EPPIN: variants seen among roughly 807,000 people sequenced by gnomAD.
EPPIN encodes the protein WAP four-disulfide core domain protein 7.
A neutral mutation model predicts 18.8 loss-of-function variants in EPPIN; 14 were observed. The observed-to-expected ratio is 0.75, with a 90% confidence interval of 0.49 to 1.17. The LOEUF (loss-of-function observed/expected upper bound fraction) is 1.17. EPPIN is among the 50% of genes most tolerant of loss of function. EPPIN has a pLI of 0.00. For missense variants in EPPIN, 143 were observed against 154.2 expected (o/e 0.93, Z 0.39); for synonymous variants, 57 against 54.8 (o/e 1.04, Z -0.18).
At chr20:45,547,211 C>G (rs1979869487) in intron 1 of EPPIN, 56 bp downstream of exon 1, 10 of 1,611,188 alleles carry the variant, frequency 6.2e-6, no homozygotes, top group Non-Finnish European at 7.6e-6. Flanking sequence ...CTTCCCTGTT[C>G]CTTCCTCCCA....
chr20:45,542,047 G>T lies in EPPIN; in HGVS notation c.*97C>A. The T allele has an allele frequency of 6.6e-7, 1 of 1,512,358 alleles. No individual in the cohort carries two copies. Among genetic ancestry groups the T allele is most frequent in the Non-Finnish European group, 9.0e-7 (1 of 1,105,760 alleles). 93.7% of individuals were successfully genotyped at this position (1,512,358 alleles called of 1,614,324 possible). A position where few individuals can be genotyped will look rare whatever the true frequency, so the allele number is the denominator to read the frequency against. ...GCTAAGATCTTGGAATGCTGAGAGTGAAACTGGAAGCCAGTCTGGAGCATC... is the reference window on the plus strand; with the variant it reads ...GCTAAGATCTTGGAATGCTGAGAGTTAAACTGGAAGCCAGTCTGGAGCATC... On this transcript the variant is annotated 3_prime_UTR_variant, in exon 4 of 4. Transcript: ENST00000354280.
In EPPIN at chr20:45,541,229, A is replaced by T. The variant is rs149637606; in HGVS notation, c.*915T>A. The T allele has an allele frequency of 4.6e-5, 7 of 152,058 alleles. No homozygotes were observed. The highest frequency in any genetic ancestry group is 1.4e-4 in the African/African-American group (6 of 41,392). The allele number at this position is 152,058 out of a possible 1,614,324, so 9.4% of individuals were successfully genotyped here. ...GGAGATGAACAATGAGAACACGTGG[A>T]CTGTTGAGGGGGCAGGGGGAGGGAA... is the stretch of plus-strand genomic sequence containing the variant. On this transcript the variant is annotated 3_prime_UTR_variant, in exon 4 of 4. Coordinates refer to ENST00000354280, the MANE Select transcript of EPPIN (RefSeq NM_020398.4).
At chr20:45,545,151 C>T (rs1979769785) in intron 2 of EPPIN, 1 of 157,214 alleles carries the variant, frequency 6.4e-6, no homozygotes, top group African/African-American at 2.4e-5. Context: ...GGGTGATGGG[C>T]ATGAAACTAA....
chr20:45,545,484 T>C (rs969068711), intron 2 of EPPIN, 155 bp downstream of exon 2: 3 of 1,294,064 alleles, frequency 2.3e-6, no homozygotes, highest in Admixed American at 4.0e-5. Flanking sequence ...CACACCATAT[T>C]TGGCACAGTA....
At chr20:45,545,578 G>A (rs767156713) in intron 2 of EPPIN, 61 bp downstream of exon 2, 15 of 1,609,790 alleles carry the variant, frequency 9.3e-6, no homozygotes, top group African/African-American at 2.7e-5. Flanking sequence ...GCCAGTCCAG[G>A]AAGGCAGAAG....
At chr20:45,545,824 C>T (rs768444278) in intron 1 of EPPIN, 54 bp from the exon 2 acceptor site, 2 of 1,595,436 alleles carry the variant, frequency 1.3e-6, no homozygotes, top group Admixed American at 3.4e-5. Context: ...AGTGTCTCCC[C>T]ACTTTGCCAG....
At chr20:45,545,883 G>A in intron 1 of EPPIN, 113 bp from the exon 2 acceptor site, 2 of 1,506,650 alleles carry the variant, frequency 1.3e-6, no homozygotes, top group Non-Finnish European at 1.8e-6. Flanking sequence ...CAGTTTGCTT[G>A]CCCCCAGGAG....
intron 2 of EPPIN, chr20:45,544,532 G>T (rs1480253558): frequency 6.6e-6 from 1 of 152,210 alleles, no homozygotes; most frequent in Non-Finnish European, 1.5e-5. Context: ...TGGCATATGA[G>T]TGACTTAGCC....
intron 2 of EPPIN, chr20:45,543,856 C>T (rs184882621): frequency 1.8e-4 from 27 of 152,816 alleles, no homozygotes; most frequent in Admixed American, 1.6e-3. Flanking sequence ...CAGTACTCAA[C>T]ACACCGTGCT....
intron 2 of EPPIN, chr20:45,543,876 C>A (rs1422644983): frequency 1.3e-5 from 2 of 152,592 alleles, no homozygotes; most frequent in African/African-American, 2.4e-5. Context: ...TACCTCTATA[C>A]CTCCATCCCT....
At chr20:45,545,595 A>G in intron 2 of EPPIN, 44 bp downstream of exon 2, 1 of 1,612,980 alleles carries the variant, frequency 6.2e-7, no homozygotes, top group Middle Eastern at 1.7e-4. Context: ...GAAGGTGAGG[A>G]CAGGGGGAGG....
At position 45,543,817 on chromosome 20, in the gene EPPIN, G is replaced by A. The variant is rs113029215; in HGVS notation, c.224-950C>T. The A allele has an allele frequency of 8.9e-3, 1,363 of 153,018 alleles. 26 individuals carry two copies. Among genetic ancestry groups the A allele is most frequent in the African/African-American group, 0.031 (1,296 of 41,532 alleles). The allele number at this position is 153,018 out of a possible 1,614,324, so 9.5% of individuals were successfully genotyped here. On this transcript the variant is annotated intron_variant, in intron 2 of 3. Coordinates refer to ENST00000354280, the MANE Select transcript of EPPIN (RefSeq NM_020398.4). ...TGTGACGCTGGCCTCCTCTCCTGCC[G>A]CAGAACCCCTTTGAGCCACATGCTC...
At chr20:45,546,097 G>A in intron 1 of EPPIN, 1 of 413,114 alleles carries the variant, frequency 2.4e-6, no homozygotes, top group South Asian at 9.0e-5. Flanking sequence ...AGCATCCCAG[G>A]CCTCTTCCCA....
At chr20:45,545,966 C>G in intron 1 of EPPIN, 196 bp from the exon 2 acceptor site, 1 of 717,202 alleles carries the variant, frequency 1.4e-6, no homozygotes, top group South Asian at 2.1e-5. Context: ...GACCTCTCCT[C>G]CCTCTATTCC....
chr20:45,545,259 TA>T, intron 2 of EPPIN: 2 of 219,762 alleles, frequency 9.1e-6, no homozygotes, highest in South Asian at 9.1e-5. Context: ...GGTCACTCCA[TA>T]GCAAAAAAGT....
At chr20:45,544,025 GT>G (rs1979718917) in intron 2 of EPPIN, 1 of 152,094 alleles carries the variant, frequency 6.6e-6, no homozygotes, top group African/African-American at 2.4e-5. Flanking sequence ...TTTTTCATTT[GT>G]TTATATCTTC....
rs780430316 is a variant in EPPIN at position 45,542,694 on chromosome 20, A to G, written c.391+6T>C. ...AGGATGAAAGACCGGGGCCCCTAGG[A>G]CTTACGTTTATTCTTGCAGGTGTTC... On this transcript the variant is annotated splice_donor_region_variant and intron_variant, in intron 3 of 3. Transcript: ENST00000354280. The G allele has an allele frequency of 8.7e-6, 14 of 1,613,088 alleles. No individual in the cohort carries two copies. In the African/African-American group the frequency reaches 1.9e-4, roughly 22 times the overall value.
intron 3 of EPPIN, 110 bp from the exon 4 acceptor site, chr20:45,542,264 G>A: frequency 6.9e-7 from 1 of 1,447,616 alleles, no homozygotes; most frequent in South Asian, 1.3e-5. Flanking sequence ...AAAAGTAGTG[G>A]GTTTGCTTTG....
At position 45,541,238 on chromosome 20, in the gene EPPIN, G is replaced by C. The variant is rs1371489540; in HGVS notation, c.*906C>G. Reference sequence around the variant, plus strand: ...CAATGAGAACACGTGGACTGTTGAGGGGGCAGGGGGAGGGAAAGCATCAGG... The same window carrying C: ...CAATGAGAACACGTGGACTGTTGAGCGGGCAGGGGGAGGGAAAGCATCAGG... On this transcript the variant is annotated 3_prime_UTR_variant, in exon 4 of 4. Coordinates refer to ENST00000354280, the MANE Select transcript of EPPIN (RefSeq NM_020398.4). 2.6e-5 allele frequency: 4 copies of C among 152,122 alleles called. No individual in the cohort carries two copies. Among genetic ancestry groups the C allele is most frequent in the African/African-American group, 9.7e-5 (4 of 41,408 alleles). The allele number at this position is 152,122 out of a possible 1,614,324, so 9.4% of individuals were successfully genotyped here. A position where few individuals can be genotyped will look rare whatever the true frequency, so the allele number is the denominator to read the frequency against.
Sources: gnomAD v4.1 joint callset for allele counts on GRCh38, gnomAD v4.1.1 for gene constraint, MANE v1.5 for transcripts, NCBI Gene and HGNC (gene_info 2026-07-23, HGNC 2026-07-21) for gene names.